TRAF3IP1: variants seen among roughly 807,000 people sequenced by gnomAD.
The protein encoded by TRAF3IP1 is intraflagellar transport 54, also known as TRAF3-interacting protein 1.
A neutral mutation model predicts 89.9 loss-of-function variants in TRAF3IP1; 53 were observed. The observed-to-expected ratio is 0.59, with a 90% CI of 0.47 to 0.74. The LOEUF (loss-of-function observed/expected upper bound fraction) is 0.74, where lower values mean the gene tolerates loss of function less well. Ranked by LOEUF, TRAF3IP1 falls within the 30% of genes least tolerant of loss-of-function variation. TRAF3IP1 has a pLI of 0.00. For synonymous variants in TRAF3IP1, 311 were observed against 322.1 expected, an observed-to-expected ratio of 0.97 and a Z score of 0.37; for missense variants, 806 against 866.1, an observed-to-expected ratio of 0.93 and a Z score of 0.87.
In TRAF3IP1 at chr2:238,329,336, G is replaced by C. The variant is rs1698009402; in HGVS notation, c.909G>C (p.Glu303Asp). 1 of 1,357,432 alleles carries C rather than the reference G, an allele frequency of 7.4e-7. No homozygotes were observed. The highest frequency in any genetic ancestry group is 2.6e-5 in the East Asian group (1 of 37,814). 84.1% of individuals were successfully genotyped at this position (1,357,432 alleles called of 1,614,324 possible). Residue 303 changes from glutamate (E) to aspartate (D), a missense_variant, in exon 5 of 17, where the codon GAG (glutamate) becomes GAC (aspartate). Transcript: ENST00000373327. The stretch of plus-strand genomic sequence containing the variant: ...AGAACAGAGAGCATGACAAACCTGA[G>C]AAAAAGGTAAAGTCTTGCTGAGAAC... ...REKNREHDKP[E>D]KKSASSGEMS...
At chr2:238,326,476 T>C (rs1173610570) in intron 3 of TRAF3IP1, among the ~76,000 whole-genome samples, 3 of 152,258 alleles carry the variant, frequency 2.0e-5, no homozygotes, top group Admixed American at 1.3e-4. Flanking sequence ...TCTCTCTCTC[T>C]CGGTTGCTGT....
chr2:238,340,580 A>G (rs1020770170), intron 8 of TRAF3IP1, among the ~76,000 whole-genome samples: 8 of 152,276 alleles, frequency 5.3e-5, no homozygotes, highest in Admixed American at 6.5e-5. Context: ...TGCAAGCTGT[A>G]AGGCATGCTT....
intron 15 of TRAF3IP1, among the ~76,000 whole-genome samples, chr2:238,376,984 C>T (rs902283828): frequency 2.0e-5 from 3 of 152,056 alleles, no homozygotes; most frequent in Non-Finnish European, 4.4e-5. Flanking sequence ...TGTCCGGGGC[C>T]GTATGAGTGG....
At chr2:238,386,889 T>C (rs1284404535) in intron 15 of TRAF3IP1, among the ~76,000 whole-genome samples, 2 of 152,210 alleles carry the variant, frequency 1.3e-5, no homozygotes, top group African/African-American at 4.8e-5. Flanking sequence ...GCCATTCACG[T>C]TTATCTGTAA....
At chr2:238,329,424 T>C in intron 5 of TRAF3IP1, 82 bp downstream of exon 5, 2 of 1,238,018 alleles carry the variant, frequency 1.6e-6, no homozygotes, top group Non-Finnish European at 2.1e-6. Flanking sequence ...TTTCTTACAA[T>C]ATGACTAGGA....
intron 15 of TRAF3IP1, among the ~76,000 whole-genome samples, chr2:238,361,569 C>T (rs1420407651): frequency 1.3e-5 from 2 of 152,034 alleles, no homozygotes; most frequent in Admixed American, 6.6e-5. Context: ...GCCAAGGCTT[C>T]CTTACCCCGC....
At chr2:238,347,529 G>C in intron 10 of TRAF3IP1, 54 bp downstream of exon 10, 1 of 1,567,210 alleles carries the variant, frequency 6.4e-7, no homozygotes, top group East Asian at 2.2e-5. Context: ...GCATGTGTGT[G>C]AATGTGAATG....
At chr2:238,350,775 G>T (rs1574926130) in intron 12 of TRAF3IP1, among the ~76,000 whole-genome samples, 1 of 152,214 alleles carries the variant, frequency 6.6e-6, no homozygotes, top group African/African-American at 2.4e-5. Flanking sequence ...TAAAGAGACA[G>T]AAGATGGTGT....
At chr2:238,364,454 CAA>C (rs1032636131) in intron 15 of TRAF3IP1, among the ~76,000 whole-genome samples, 2 of 150,888 alleles carry the variant, frequency 1.3e-5, no homozygotes, top group African/African-American at 4.9e-5. Context: ...GAAAAACCAT[CAA>C]AAGAACCATT....
chr2:238,355,867 A>G (rs1427761321), intron 14 of TRAF3IP1, 137 bp from the exon 15 acceptor site: 1 of 677,110 alleles, frequency 1.5e-6, no homozygotes, highest in East Asian at 2.7e-5. Context: ...TTAACAAATA[A>G]AGATTATTTG....
chr2:238,367,163 C>CAAAAAA (rs33964253), intron 15 of TRAF3IP1, among the ~76,000 whole-genome samples: 1,355 of 36,150 alleles, frequency 0.037, 300 homozygotes, highest in Middle Eastern at 0.12. Context: ...GACTCTGTCT[C>CAAAAAA]AAAAAAAAAA....
At position 238,328,918 on chromosome 2, in the gene TRAF3IP1, T is replaced by C; in HGVS notation, c.499-8T>C. 1 of 1,563,056 alleles carries C rather than the reference T, an allele frequency of 6.4e-7. No individual in the cohort carries two copies. Among genetic ancestry groups the C allele is most frequent in the South Asian group, 1.2e-5 (1 of 83,728 alleles). The stretch of plus-strand genomic sequence containing the variant: ...ATATTCATAAATGATTTTATTTTTA[T>C]TTCGTAGGATAGAGGAGACGCTGAA... On this transcript the variant is annotated splice_region_variant and splice_polypyrimidine_tract_variant and intron_variant, in intron 4 of 16. Transcript: ENST00000373327.
At chr2:238,371,029 A>G (rs1342254543) in intron 15 of TRAF3IP1, among the ~76,000 whole-genome samples, 1 of 152,178 alleles carries the variant, frequency 6.6e-6, no homozygotes, top group Non-Finnish European at 1.5e-5. Flanking sequence ...TTCTGCCACA[A>G]TTTGGACATT....
At chr2:238,396,886 C>G (rs559872741) in intron 15 of TRAF3IP1, among the ~76,000 whole-genome samples, 5 of 151,532 alleles carry the variant, frequency 3.3e-5, no homozygotes, top group Non-Finnish European at 5.9e-5. Context: ...GTGCTGCTGG[C>G]TGCTGCTGGC....
At chr2:238,389,142 G>A (rs1700895176) in intron 15 of TRAF3IP1, among the ~76,000 whole-genome samples, 3 of 152,188 alleles carry the variant, frequency 2.0e-5, no homozygotes, top group South Asian at 4.1e-4. Flanking sequence ...AGCGGGGCAG[G>A]GCAGCGGTCA....
intron 12 of TRAF3IP1, among the ~76,000 whole-genome samples, chr2:238,350,308 T>C (rs914021285): frequency 6.6e-6 from 1 of 152,076 alleles, no homozygotes; most frequent in Non-Finnish European, 1.5e-5. Context: ...ATTGATGACG[T>C]AGGCGACGTG....
rs760018145 is a variant in TRAF3IP1, at chr2:238,329,287, A to G, written c.860A>G (p.His287Arg). Residue 287 changes from histidine (H) to arginine (R), a missense_variant, in exon 5 of 17, where the codon CAC (histidine) becomes CGC (arginine). His to Arg is a conservative substitution (Grantham distance 29). Transcript: ENST00000373327. ...AGACGGAGAGTGAAAAACGGGGAGC[A>G]CTCCTGGGACCTGGACAGGGAGAAG... ...RDRRRVKNGE[H>R]SWDLDREKNR... The G allele has an allele frequency of 7.4e-6, 11 of 1,476,590 alleles. No individual in the cohort carries two copies. In the East Asian group the frequency reaches 9.4e-5, roughly 13 times the overall value. 91.5% of individuals were successfully genotyped at this position (1,476,590 alleles called of 1,614,324 possible).
chr2:238,341,640 A>G (rs1468206364), intron 8 of TRAF3IP1, among the ~76,000 whole-genome samples: 8 of 150,862 alleles, frequency 5.3e-5, no homozygotes, highest in Non-Finnish European at 7.4e-5. Context: ...TTTCAATTGT[A>G]TTTATGGGCC....
chr2:238,381,404 G>A (rs1455609206), intron 15 of TRAF3IP1, among the ~76,000 whole-genome samples: 2 of 152,246 alleles, frequency 1.3e-5, no homozygotes, highest in African/African-American at 4.8e-5. Flanking sequence ...ATAGGCATGG[G>A]TGGCGGGTGG....
Sources: gnomAD v4.1 joint callset for allele counts (sites outside exome capture counted in the v4.1 genomes callset) on GRCh38, gnomAD v4.1.1 for gene constraint, MANE v1.5 for transcripts, NCBI Gene and HGNC (gene_info 2026-07-23, HGNC 2026-07-21) for gene names.